The following LRMDA variants were observed in gnomAD, a reference collection of about 807,000 sequenced individuals.
LRMDA encodes leucine rich melanocyte differentiation associated.
LRMDA carries 18 observed loss-of-function variants against 29.8 expected under a neutral mutation model. The ratio of observed to expected loss-of-function variants is 0.60; its 90% CI spans 0.42 to 0.90. The LOEUF (loss-of-function observed/expected upper bound fraction) is 0.90. LRMDA is among the 40% of genes least tolerant of loss of function. The pLI is 0.00. For missense variants in LRMDA, 273 were observed against 273.9 expected, an observed-to-expected ratio of 1.00 and a Z score of 0.02; for synonymous variants, 125 against 109.4, an observed-to-expected ratio of 1.14 and a Z score of -0.89.
At chr10:76,128,959 T>C (rs893627887) in intron 5 of LRMDA, among the ~76,000 whole-genome samples, 3 of 152,210 alleles carry the variant, frequency 2.0e-5, no homozygotes, top group South Asian at 2.1e-4. Context: ...TGGAGACTTA[T>C]CTATCCTAAG....
At chr10:75,853,466 G>GTGTGTGT (rs763225879) in intron 2 of LRMDA, among the ~76,000 whole-genome samples, 3 of 147,752 alleles carry the variant, frequency 2.0e-5, no homozygotes, top group South Asian at 2.2e-4. Flanking sequence ...GTGTGTGTGT[G>GTGTGTGT]GTCACATGCA....
In LRMDA at chr10:76,125,566, A is replaced by G. The variant is rs939668233; in HGVS notation, c.516+66783A>G. Among the ~76,000 whole-genome samples the G allele has an allele frequency of 7.2e-4, 109 of 152,206 alleles. 1 individual carries two copies. Among genetic ancestry groups the G allele is most frequent in the African/African-American group, 2.6e-3 (109 of 41,454 alleles). Reference sequence around the variant, plus strand: ...ACCATTGATGCCTGAGTGGCTGCCCAGAGTAAAATTGCCTACCATCTGTCA... The same window carrying G: ...ACCATTGATGCCTGAGTGGCTGCCCGGAGTAAAATTGCCTACCATCTGTCA... On this transcript the variant is annotated intron_variant, in intron 5 of 6. Coordinates refer to ENST00000611255, the MANE Select transcript of LRMDA (RefSeq NM_001305581.2).
intron 5 of LRMDA, among the ~76,000 whole-genome samples, chr10:76,244,409 G>T (rs1000261502): frequency 6.6e-6 from 1 of 152,124 alleles, no homozygotes; most frequent in Non-Finnish European, 1.5e-5. Flanking sequence ...CCTGAAGAAT[G>T]TTCCATTCTT....
chr10:75,896,759 C>T (rs1845588934), intron 2 of LRMDA, among the ~76,000 whole-genome samples: 1 of 152,086 alleles, frequency 6.6e-6, no homozygotes, highest in South Asian at 2.1e-4. Flanking sequence ...CCACTTCTCT[C>T]TTACTTGGGA....
intron 2 of LRMDA, among the ~76,000 whole-genome samples, chr10:75,457,601 G>A (rs1200610697): frequency 6.6e-6 from 1 of 152,202 alleles, no homozygotes; most frequent in Admixed American, 6.5e-5. Flanking sequence ...CACTGAGGCT[G>A]TACATTAAAT....
intron 2 of LRMDA, among the ~76,000 whole-genome samples, chr10:75,941,501 G>T (rs1209087222): frequency 6.6e-6 from 1 of 152,142 alleles, no homozygotes; most frequent in Non-Finnish European, 1.5e-5. Context: ...TGGTTTGCTT[G>T]CCCAGGGGTT....
chr10:76,442,431 C>T (rs1221127092), intron 6 of LRMDA, among the ~76,000 whole-genome samples: 9 of 152,140 alleles, frequency 5.9e-5, no homozygotes, highest in Admixed American at 5.9e-4. Flanking sequence ...GTGGCTTACA[C>T]CTATAATCCT....
chr10:75,700,938 C>G (rs1842300608), intron 2 of LRMDA, among the ~76,000 whole-genome samples: 1 of 152,208 alleles, frequency 6.6e-6, no homozygotes, highest in African/African-American at 2.4e-5. Context: ...AAATGAAGAA[C>G]TATGCAAATC....
rs118038043 is a variant in LRMDA, at chr10:76,356,981, G to A, written c.601+32496G>A. On this transcript the variant is annotated intron_variant, in intron 6 of 6. Transcript: ENST00000611255. ...TTGGTAACAAAGAAAGTTGGTTGGT[G>A]GAGAACTAGGAAAATATAGTCAAAT... 9.9e-3 allele frequency among the ~76,000 whole-genome samples: 1,507 copies of A among 152,096 alleles called. 18 individuals carry two copies. The highest frequency in any genetic ancestry group is 0.017 in the Non-Finnish European group (1,144 of 68,026).
At chr10:75,868,211 T>C (rs376712485) in intron 2 of LRMDA, among the ~76,000 whole-genome samples, 4 of 152,132 alleles carry the variant, frequency 2.6e-5, no homozygotes, top group African/African-American at 9.7e-5. Context: ...GTTCATGGCC[T>C]ATTCAACAAG....
At chr10:76,086,646 G>A (rs1417766106) in intron 5 of LRMDA, among the ~76,000 whole-genome samples, 4 of 152,182 alleles carry the variant, frequency 2.6e-5, no homozygotes, top group Non-Finnish European at 5.9e-5. Flanking sequence ...ATGTGTATAT[G>A]TGTGGGAGAG....
At chr10:75,918,894 G>GA (rs374981489) in intron 2 of LRMDA, among the ~76,000 whole-genome samples, 11 of 151,290 alleles carry the variant, frequency 7.3e-5, no homozygotes, top group Non-Finnish European at 1.2e-4. Context: ...TGTGTGTGAA[G>GA]AAAAAAAAAG....
intron 2 of LRMDA, among the ~76,000 whole-genome samples, chr10:75,667,844 T>A (rs530443151): frequency 6.6e-6 from 1 of 152,360 alleles, no homozygotes; most frequent in East Asian, 1.9e-4. Context: ...TTTCTGTTCA[T>A]TCTTTAAAGC....
In LRMDA at chr10:75,592,114, G is replaced by T. The variant is rs76607851; in HGVS notation, c.131+153620G>T. Among the ~76,000 whole-genome samples, 1,176 of 152,070 alleles carry T rather than the reference G, an allele frequency of 7.7e-3. 16 individuals carry two copies. Among genetic ancestry groups the T allele is most frequent in the African/African-American group, 0.028 (1,141 of 41,474 alleles). On this transcript the variant is annotated intron_variant, in intron 2 of 6. Coordinates refer to ENST00000611255, the MANE Select transcript of LRMDA (RefSeq NM_001305581.2). The stretch of plus-strand genomic sequence containing the variant: ...GGCAGAGGGGACAGCATGACTTGAG[G>T]CCCTGATGTGGCAAAGAGGAATGAG...
chr10:75,637,598 C>A (rs1342358933), intron 2 of LRMDA, among the ~76,000 whole-genome samples: 1 of 152,120 alleles, frequency 6.6e-6, no homozygotes, highest in African/African-American at 2.4e-5. Flanking sequence ...GCACCAAGAT[C>A]CTGAGCTATG....
At chr10:76,343,645 A>G (rs1841067921) in intron 6 of LRMDA, among the ~76,000 whole-genome samples, 1 of 152,154 alleles carries the variant, frequency 6.6e-6, no homozygotes, top group South Asian at 2.1e-4. Context: ...CCAAAAGCCA[A>G]CATCAAACTT....
At chr10:75,497,506 G>A (rs1845060995) in intron 2 of LRMDA, among the ~76,000 whole-genome samples, 2 of 150,730 alleles carry the variant, frequency 1.3e-5, no homozygotes, top group East Asian at 1.9e-4. Context: ...GTACCATTCT[G>A]TGAGTTTTGA....
chr10:75,573,518 C>A (rs1458881448), intron 2 of LRMDA, among the ~76,000 whole-genome samples: 1 of 151,870 alleles, frequency 6.6e-6, no homozygotes, highest in Non-Finnish European at 1.5e-5. Context: ...TCATTTTTTT[C>A]AGTTTTAGCC....
At chr10:76,318,083 G>C (rs1440298928) in intron 5 of LRMDA, among the ~76,000 whole-genome samples, 3 of 152,118 alleles carry the variant, frequency 2.0e-5, no homozygotes, top group Admixed American at 2.0e-4. Context: ...CCAATATTTA[G>C]ATGGTTTTAT....
Sources: gnomAD v4.1 joint callset for allele counts (sites outside exome capture counted in the v4.1 genomes callset) on GRCh38, gnomAD v4.1.1 for gene constraint, MANE v1.5 for transcripts, NCBI Gene and HGNC (gene_info 2026-07-23, HGNC 2026-07-21) for gene names.